The following ASH2L variants were observed in gnomAD, a reference collection of about 807,000 sequenced individuals.
ASH2L encodes the protein set1/Ash2 histone methyltransferase complex subunit ASH2.
In ASH2L, 30 loss-of-function variants were observed where a neutral mutation model predicts 81.1. That is an observed-to-expected ratio of 0.37 (90% CI 0.28 to 0.50). The LOEUF (loss-of-function observed/expected upper bound fraction) is 0.50. Ranked by LOEUF, ASH2L falls within the 20% of genes least tolerant of loss-of-function variation. The probability of loss-of-function intolerance (pLI) is 0.95; values close to 1 mark genes in which losing one functional copy is unlikely to be tolerated. For missense variants in ASH2L, 559 were observed against 792.1 expected (o/e 0.71, Z 3.53); for synonymous variants, 273 against 279.9 (o/e 0.98, Z 0.24).
At chr8:38,137,213 C>T (rs1265458531) in intron 14 of ASH2L, among the ~76,000 whole-genome samples, 3 of 151,022 alleles carry the variant, frequency 2.0e-5, no homozygotes, top group Non-Finnish European at 3.0e-5. Context: ...CCATCCTGGC[C>T]AACGTGGTGA....
chr8:38,108,337 G>A (rs1810539783), intron 3 of ASH2L, among the ~76,000 whole-genome samples: 1 of 152,138 alleles, frequency 6.6e-6, no homozygotes, highest in Non-Finnish European at 1.5e-5. Flanking sequence ...ACTTTTGCCA[G>A]AAAAATTTGT....
chr8:38,112,374 T>C (rs865942409), intron 5 of ASH2L, among the ~76,000 whole-genome samples: 21 of 152,226 alleles, frequency 1.4e-4, no homozygotes, highest in African/African-American at 4.6e-4. Flanking sequence ...TTGTTTGGCA[T>C]GATATTCCTC....
chr8:38,137,900 G>A (rs1235082813), intron 14 of ASH2L: 1 of 152,090 alleles, frequency 6.6e-6, no homozygotes, highest in African/African-American at 2.4e-5. Flanking sequence ...TTAAGGACCT[G>A]CCTGTAAGAA....
chr8:38,131,905 G>A (rs1372340004), intron 12 of ASH2L, among the ~76,000 whole-genome samples: 1 of 151,526 alleles, frequency 6.6e-6, no homozygotes, highest in Non-Finnish European at 1.5e-5. Flanking sequence ...GGAGTGCAGT[G>A]GTACGCAGTC....
intron 14 of ASH2L, among the ~76,000 whole-genome samples, chr8:38,137,027 A>G (rs549610664): frequency 6.7e-6 from 1 of 149,648 alleles, no homozygotes; most frequent in African/African-American, 2.5e-5. Flanking sequence ...CGGGAGATGG[A>G]GGCTGCAGTG....
intron 1 of ASH2L, 74 bp downstream of exon 1, chr8:38,105,812 C>T (rs1563248116): frequency 1.2e-5 from 18 of 1,475,584 alleles, no homozygotes; most frequent in Non-Finnish European, 1.6e-5. Flanking sequence ...CTCCTGGAGC[C>T]CTGCCGCCCG....
intron 8 of ASH2L, among the ~76,000 whole-genome samples, chr8:38,117,121 T>C (rs1002169736): frequency 6.6e-6 from 1 of 152,234 alleles, no homozygotes; most frequent in East Asian, 1.9e-4. Context: ...GCCCTGAAAC[T>C]TCAGCTCATT....
intron 5 of ASH2L, among the ~76,000 whole-genome samples, chr8:38,113,212 CA>C (rs967205052): frequency 2.0e-5 from 3 of 152,012 alleles, no homozygotes; most frequent in African/African-American, 7.2e-5. Context: ...TCAAGTGATC[CA>C]CCCACCTCAG....
chr8:38,134,592 G>A (rs1023925974), intron 13 of ASH2L, among the ~76,000 whole-genome samples: 1 of 152,070 alleles, frequency 6.6e-6, no homozygotes, highest in South Asian at 2.1e-4. Context: ...GCACATCTGG[G>A]CCAGCCACAA....
chr8:38,132,138 C>T (rs1043321041), intron 12 of ASH2L, among the ~76,000 whole-genome samples: 3 of 152,146 alleles, frequency 2.0e-5, no homozygotes, highest in Admixed American at 6.6e-5. Flanking sequence ...TGAGCCACTG[C>T]GCTCGGCCAC....
rs1225899138 is a variant in ASH2L at position 38,133,552 on chromosome 8, T to C, written c.1620+6T>C. ...AGCAGACTCCCCATAGTGAGGTGAG[T>C]CATGGCCATAAGAACATTAGAATCA... On this transcript the variant is annotated splice_donor_region_variant and intron_variant, in intron 13 of 15. Transcript: ENST00000343823. The C allele has an allele frequency of 1.3e-6, 2 of 1,595,742 alleles. No homozygotes were observed. The highest frequency in any genetic ancestry group is 2.7e-5 in the African/African-American group (2 of 73,846).
At chr8:38,107,308 G>A in intron 3 of ASH2L, 142 bp downstream of exon 3, 2 of 1,110,134 alleles carry the variant, frequency 1.8e-6, no homozygotes, top group Non-Finnish European at 2.6e-6. Context: ...TGTTGAATCA[G>A]GAGTTGTTTT....
In ASH2L at chr8:38,114,896, T is replaced by A; in HGVS notation, c.682-9T>A. 1 of 1,560,334 alleles carries A rather than the reference T, an allele frequency of 6.4e-7. No homozygotes were observed. Among genetic ancestry groups the A allele is most frequent in the Non-Finnish European group, 8.8e-7 (1 of 1,132,174 alleles). ...TGTTCATTAATAGTAAAACACTACT[T>A]CTTTTTAGAGTAAAGAAAGAGATGT... On this transcript the variant is annotated splice_polypyrimidine_tract_variant and intron_variant, in intron 6 of 15. Coordinates refer to ENST00000343823, the MANE Select transcript of ASH2L (RefSeq NM_004674.5).
chr8:38,105,664 A>G lies in ASH2L; in HGVS notation c.114A>G (p.Gly38=), dbSNP rs1369734444. ...GGGAGATGAAGCCGGTGGCAGCGGGAGCAGCCGCTCCTCCTGGAGAGGGGA... is the reference window on the plus strand; with the variant it reads ...GGGAGATGAAGCCGGTGGCAGCGGGGGCAGCCGCTCCTCCTGGAGAGGGGA... The part of the protein sequence containing the change: ...EEGEMKPVAA[G]AAAPPGEGIS... The change falls in exon 1 of 16, where the codon GGA becomes GGG. Residue 38 remains glycine, a synonymous_variant. Transcript: ENST00000343823. The G allele has an allele frequency of 6.3e-7, 1 of 1,591,930 alleles. No individual in the cohort carries two copies. Among genetic ancestry groups the G allele is most frequent in the Non-Finnish European group, 8.5e-7 (1 of 1,170,924 alleles).
intron 5 of ASH2L, among the ~76,000 whole-genome samples, chr8:38,112,551 C>G (rs934585454): frequency 1.1e-4 from 17 of 152,278 alleles, no homozygotes; most frequent in African/African-American, 3.4e-4. Flanking sequence ...TTGTGAGCCA[C>G]TGTGCCTGGC....
Position 38,139,372 on chromosome 8 carries a change from A to G in ASH2L, c.*301A>G. 8.0e-6 allele frequency: 2 copies of G among 251,140 alleles called. No individual in the cohort carries two copies. Among genetic ancestry groups the G allele is most frequent in the Non-Finnish European group, 7.6e-6 (1 of 131,616 alleles). 15.6% of individuals were successfully genotyped at this position (251,140 alleles called of 1,614,324 possible). ...CCTGCCAGCTGTGACTTGTTATCCTACTATATTTTCTAAGGAGTGAATAAT... is the reference window on the plus strand; with the variant it reads ...CCTGCCAGCTGTGACTTGTTATCCTGCTATATTTTCTAAGGAGTGAATAAT... On this transcript the variant is annotated 3_prime_UTR_variant, in exon 16 of 16. Transcript: ENST00000343823.
At position 38,106,525 on chromosome 8, in the gene ASH2L, T is replaced by C. The variant is rs893757253; in HGVS notation, c.255+81T>C. 5.8e-6 allele frequency: 7 copies of C among 1,212,658 alleles called. No individual in the cohort carries two copies. In the African/African-American group the frequency reaches 1.1e-4, roughly 19 times the overall value. The allele number at this position is 1,212,658 out of a possible 1,614,324, so 75.1% of individuals were successfully genotyped here. A position where few individuals can be genotyped will look rare whatever the true frequency, so the allele number is the denominator to read the frequency against. On this transcript the variant is annotated intron_variant, in intron 2 of 15. Transcript: ENST00000343823. ...CTTCTTCTTTTTTTTTTTTTTTTGT[T>C]GCGACGGAGCCTTGCTCTGTCGCCC...
intron 5 of ASH2L, among the ~76,000 whole-genome samples, chr8:38,112,154 A>G (rs905291777): frequency 4.6e-5 from 7 of 152,068 alleles, no homozygotes; most frequent in African/African-American, 1.7e-4. Flanking sequence ...TTCCAGGCGC[A>G]TGCTACCACA....
intron 3 of ASH2L, among the ~76,000 whole-genome samples, chr8:38,109,158 AG>A (rs1563249970): frequency 6.6e-6 from 1 of 152,246 alleles, no homozygotes; most frequent in Admixed American, 6.5e-5. Flanking sequence ...GTGAGCTAGC[AG>A]GGTATAAAAA....
Sources: gnomAD v4.1 joint callset for allele counts (sites outside exome capture counted in the v4.1 genomes callset) on GRCh38, gnomAD v4.1.1 for gene constraint, MANE v1.5 for transcripts, NCBI Gene and HGNC (gene_info 2026-07-23, HGNC 2026-07-21) for gene names.